TMEM178B: variants seen among roughly 807,000 people sequenced by gnomAD.
The protein encoded by TMEM178B is transmembrane protein 178B.
Under a neutral mutation model 31.0 loss-of-function variants are expected in TMEM178B, and 5 were observed. The ratio of observed to expected loss-of-function variants is 0.16; its 90% CI spans 0.08 to 0.34. The LOEUF (loss-of-function observed/expected upper bound fraction) is 0.34, where lower values mean the gene tolerates loss of function less well. Among genes scored for constraint, TMEM178B ranks in the 10% least tolerant of loss-of-function variants. TMEM178B has a pLI of 1.00. For missense variants in TMEM178B, 275 were observed against 400.3 expected (o/e 0.69, Z 2.67); for synonymous variants, 164 against 164.0 (o/e 1.00, Z 0.00).
At chr7:141,265,643 C>T (rs1212528308) in intron 2 of TMEM178B, among the ~76,000 whole-genome samples, 1 of 152,100 alleles carries the variant, frequency 6.6e-6, no homozygotes, top group African/African-American at 2.4e-5. Context: ...GGTAGATACA[C>T]AAGGCAGTTA....
intron 2 of TMEM178B, among the ~76,000 whole-genome samples, chr7:141,325,304 C>T (rs770495799): frequency 4.6e-5 from 7 of 152,272 alleles, no homozygotes; most frequent in South Asian, 2.1e-4. Context: ...GTAAATCTCA[C>T]GTCATCCCCC....
intron 1 of TMEM178B, among the ~76,000 whole-genome samples, chr7:141,207,344 T>C (rs1011525558): frequency 6.6e-6 from 1 of 152,190 alleles, no homozygotes; most frequent in Non-Finnish European, 1.5e-5. Context: ...TCATTCGTAA[T>C]TTTTTGAGGA....
chr7:141,211,708 A>G (rs982006923), intron 1 of TMEM178B, among the ~76,000 whole-genome samples: 1 of 152,244 alleles, frequency 6.6e-6, no homozygotes, highest in African/African-American at 2.4e-5. Flanking sequence ...ATTTGCAAAC[A>G]TAAAGGGTGG....
At chr7:141,447,973 C>T (rs1448144555) in intron 3 of TMEM178B, among the ~76,000 whole-genome samples, 1 of 151,790 alleles carries the variant, frequency 6.6e-6, no homozygotes, top group African/African-American at 2.4e-5. Flanking sequence ...GCCCTGAGCC[C>T]GGAACTCCAT....
chr7:141,215,791 T>C (rs944096155), intron 2 of TMEM178B, among the ~76,000 whole-genome samples: 1 of 78,520 alleles, frequency 1.3e-5, no homozygotes, highest in African/African-American at 5.3e-5. Context: ...TCTTTCTTTC[T>C]TTCTTTCTTT....
chr7:141,123,475 G>A (rs1795441064), intron 1 of TMEM178B, among the ~76,000 whole-genome samples: 1 of 152,218 alleles, frequency 6.6e-6, no homozygotes, highest in Non-Finnish European at 1.5e-5. Context: ...ACAGGCTGAA[G>A]TGTTTGCATT....
chr7:141,166,444 A>T (rs1796262150), intron 1 of TMEM178B, among the ~76,000 whole-genome samples: 1 of 152,190 alleles, frequency 6.6e-6, no homozygotes, highest in Admixed American at 6.5e-5. Flanking sequence ...TTAGTGTTTG[A>T]TATGTTTGCT....
chr7:141,355,329 C>T (rs1219923143), intron 2 of TMEM178B, among the ~76,000 whole-genome samples: 1 of 152,134 alleles, frequency 6.6e-6, no homozygotes, highest in African/African-American at 2.4e-5. Flanking sequence ...AGAGCCATGA[C>T]CAGTCAGGCT....
At chr7:141,345,453 C>G (rs1460296962) in intron 2 of TMEM178B, among the ~76,000 whole-genome samples, 1 of 152,154 alleles carries the variant, frequency 6.6e-6, no homozygotes, top group Non-Finnish European at 1.5e-5. Flanking sequence ...TTGTCCTCAT[C>G]GTTATAGTAC....
At chr7:141,101,292 A>G (rs1052812465) in intron 1 of TMEM178B, among the ~76,000 whole-genome samples, 25 of 152,230 alleles carry the variant, frequency 1.6e-4, no homozygotes, top group African/African-American at 4.8e-5. Context: ...TGACAATAAA[A>G]TGTTTCATGC....
chr7:141,119,583 G>A (rs547104185), intron 1 of TMEM178B, among the ~76,000 whole-genome samples: 2 of 152,202 alleles, frequency 1.3e-5, no homozygotes, highest in South Asian at 2.1e-4. Flanking sequence ...GGCACTCAGC[G>A]CATCTTTATG....
At chr7:141,439,689 T>C (rs766676207) in intron 3 of TMEM178B, among the ~76,000 whole-genome samples, 13 of 152,210 alleles carry the variant, frequency 8.5e-5, no homozygotes, top group Non-Finnish European at 1.3e-4. Context: ...TTCCTAAGGC[T>C]CTAGAGAGGT....
intron 2 of TMEM178B, among the ~76,000 whole-genome samples, chr7:141,237,527 A>G (rs889766783): frequency 2.6e-5 from 4 of 152,240 alleles, no homozygotes; most frequent in African/African-American, 7.2e-5. Context: ...CTAGAATGTT[A>G]CAAGATAATA....
chr7:141,475,854 A>T lies in TMEM178B; in HGVS notation c.*5068A>T, dbSNP rs1448981012. 2 of 151,900 alleles carry T rather than the reference A, an allele frequency of 1.3e-5. No individual in the cohort carries two copies. Among genetic ancestry groups the T allele is most frequent in the East Asian group, 3.9e-4 (2 of 5,172 alleles). The allele number at this position is 151,900 out of a possible 1,614,324, so 9.4% of individuals were successfully genotyped here. A position where few individuals can be genotyped will look rare whatever the true frequency, so the allele number is the denominator to read the frequency against. ...ATGTAAGAATGCGGAAGCCAGAGTA[A>T]CTCACTCATTAAGCTACACTTGTGT... is the stretch of plus-strand genomic sequence containing the variant. On this transcript the variant is annotated 3_prime_UTR_variant, in exon 4 of 4. Coordinates refer to ENST00000565468, the MANE Select transcript of TMEM178B (RefSeq NM_001195278.2).
At chr7:141,120,219 A>G (rs1250609355) in intron 1 of TMEM178B, among the ~76,000 whole-genome samples, 1 of 152,208 alleles carries the variant, frequency 6.6e-6, no homozygotes, top group Non-Finnish European at 1.5e-5. Context: ...GGCAAGTTCA[A>G]CCTTCCTTTC....
chr7:141,457,856 G>A (rs1008742602), intron 3 of TMEM178B, among the ~76,000 whole-genome samples: 1 of 152,208 alleles, frequency 6.6e-6, no homozygotes, highest in African/African-American at 2.4e-5. Context: ...AGATTTTGAT[G>A]TATAGGCATG....
intron 2 of TMEM178B, among the ~76,000 whole-genome samples, chr7:141,408,883 G>A (rs1241941075): frequency 6.6e-6 from 1 of 152,196 alleles, no homozygotes; most frequent in Admixed American, 6.5e-5. Context: ...GAGGCACAGG[G>A]TAGGAGAGTG....
In TMEM178B at chr7:141,214,128, A is replaced by G. The variant is rs1265114120; in HGVS notation, c.496+1424A>G. Among the ~76,000 whole-genome samples the G allele has an allele frequency of 2.0e-5, 3 of 152,392 alleles. No homozygotes were observed. The East Asian group carries it at 5.8e-4, about 29-fold the overall frequency. On this transcript the variant is annotated intron_variant, in intron 2 of 3. Transcript: ENST00000565468. Reference sequence around the variant, plus strand: ...TGTGAGGACTAAAATGTAGAAATATACAATAGCTGCTTATTTCCCACAATG... The same window carrying G: ...TGTGAGGACTAAAATGTAGAAATATGCAATAGCTGCTTATTTCCCACAATG...
intron 1 of TMEM178B, among the ~76,000 whole-genome samples, chr7:141,097,794 T>TTTC (rs1418548259): frequency 1.7e-3 from 143 of 83,392 alleles, no homozygotes; most frequent in Non-Finnish European, 2.6e-3. Context: ...TCTTTCTTTC[T>TTTC]TTTTTTTTTT....
Sources: gnomAD v4.1 joint callset for allele counts (sites outside exome capture counted in the v4.1 genomes callset) on GRCh38, gnomAD v4.1.1 for gene constraint, MANE v1.5 for transcripts, NCBI Gene and HGNC (gene_info 2026-07-23, HGNC 2026-07-21) for gene names.